Variants in SLC7A11 observed in about 807,000 individuals in gnomAD.
SLC7A11 encodes the protein cystine/glutamate transporter.
SLC7A11 carries 35 observed loss-of-function variants against 54.5 expected under a neutral mutation model. The ratio of observed to expected loss-of-function variants is 0.64; its 90% confidence interval spans 0.49 to 0.85. SLC7A11 has a LOEUF of 0.85. Among genes scored for constraint, SLC7A11 ranks in the 40% least tolerant of loss-of-function variants. SLC7A11 has a pLI of 0.00. For missense variants in SLC7A11, 583 were observed against 618.1 expected, an observed-to-expected ratio of 0.94 and a Z score of 0.60; for synonymous variants, 230 against 225.2, an observed-to-expected ratio of 1.02 and a Z score of -0.19.
chr4:138,214,594 T>C lies in SLC7A11; in HGVS notation c.782A>G (p.Asn261Ser). ...ACATCTGGCTACTTACTTTTCAGGG[T>C]TTTCTACTTCTTCAGTAACAAAGTT... Reference protein sequence around the residue: ...YLNFVTEEVENPEKTIPLAIC... With the variant: ...YLNFVTEEVESPEKTIPLAIC... Residue 261 changes from asparagine to serine, a missense_variant, in exon 6 of 12, where the codon AAC becomes AGC. Transcript: ENST00000280612. The C allele has an allele frequency of 6.9e-7, 1 of 1,448,998 alleles. No homozygotes were observed. The allele number at this position is 1,448,998 out of a possible 1,614,324, so 89.8% of individuals were successfully genotyped here.
intron 6 of SLC7A11, among the ~76,000 whole-genome samples, chr4:138,211,557 C>T (rs1157939768): frequency 2.0e-5 from 3 of 151,608 alleles, no homozygotes; most frequent in Non-Finnish European, 2.9e-5. Context: ...GAAAGGAAAT[C>T]GGTATACTGA....
intron 6 of SLC7A11, among the ~76,000 whole-genome samples, chr4:138,187,359 C>T (rs1038333514): frequency 6.6e-6 from 1 of 152,142 alleles, no homozygotes; most frequent in Non-Finnish European, 1.5e-5. Context: ...TTATTAGGCA[C>T]TTTACATACG....
intron 9 of SLC7A11, among the ~76,000 whole-genome samples, chr4:138,181,411 C>T (rs1352456605): frequency 6.6e-6 from 1 of 152,040 alleles, no homozygotes; most frequent in Non-Finnish European, 1.5e-5. Flanking sequence ...GTCTCTGCAG[C>T]TGCACATGCC....
chr4:138,209,351 A>G (rs1737486017), intron 6 of SLC7A11, among the ~76,000 whole-genome samples: 1 of 152,008 alleles, frequency 6.6e-6, no homozygotes, highest in Non-Finnish European at 1.5e-5. Flanking sequence ...ATCTTGGCAC[A>G]TCACAAAGAA....
intron 3 of SLC7A11, among the ~76,000 whole-genome samples, chr4:138,229,661 A>G (rs1265573816): frequency 1.3e-5 from 2 of 152,206 alleles, no homozygotes; most frequent in African/African-American, 2.4e-5. Context: ...GTTTAGTTTG[A>G]GCAGTTTTCA....
rs1736409456 is a variant in SLC7A11, at chr4:138,170,901, T to A, written c.*1055A>T. The A allele has an allele frequency of 6.6e-6, 1 of 152,174 alleles. No homozygotes were observed. Among genetic ancestry groups the A allele is most frequent in the Non-Finnish European group, 1.5e-5 (1 of 68,016 alleles). 9.4% of individuals were successfully genotyped at this position (152,174 alleles called of 1,614,324 possible). On this transcript the variant is annotated 3_prime_UTR_variant, in exon 12 of 12. Coordinates refer to ENST00000280612, the MANE Select transcript of SLC7A11 (RefSeq NM_014331.4). The stretch of plus-strand genomic sequence containing the variant: ...CTGAAGAGATATTTTAACAGAAGAA[T>A]ATAAAATGTATAAAGAAAATGCACA...
At chr4:138,217,869 C>T (rs144732658) in intron 5 of SLC7A11, among the ~76,000 whole-genome samples, 53 of 152,312 alleles carry the variant, frequency 3.5e-4, no homozygotes, top group African/African-American at 1.3e-3. Context: ...TGTGATCACG[C>T]TCAGTTCTTT....
intron 8 of SLC7A11, among the ~76,000 whole-genome samples, 164 bp from the exon 9 acceptor site, chr4:138,182,557 A>G (rs558777474): frequency 2.6e-4 from 39 of 152,284 alleles, no homozygotes; most frequent in Middle Eastern, 3.4e-3. Flanking sequence ...GAAATATCAT[A>G]GGAAATCTAA....
In SLC7A11 at chr4:138,241,745, T is replaced by C. The variant is rs1578680376; in HGVS notation, c.277+48A>G. 2.8e-6 allele frequency: 4 copies of C among 1,438,712 alleles called. No individual in the cohort carries two copies. In the East Asian group the frequency reaches 9.2e-5, roughly 33 times the overall value. The allele number at this position is 1,438,712 out of a possible 1,614,324, so 89.1% of individuals were successfully genotyped here. A position where few individuals can be genotyped will look rare whatever the true frequency, so the allele number is the denominator to read the frequency against. ...CCATTTGCTTTCCCAGAAAGCAAGCTTTCCAGCCCCACAGCCACGCCCCCA... is the reference window on the plus strand; with the variant it reads ...CCATTTGCTTTCCCAGAAAGCAAGCCTTCCAGCCCCACAGCCACGCCCCCA... On this transcript the variant is annotated intron_variant, in intron 1 of 11. Transcript: ENST00000280612.
intron 6 of SLC7A11, among the ~76,000 whole-genome samples, chr4:138,191,495 A>C (rs940772630): frequency 6.6e-6 from 1 of 152,158 alleles, no homozygotes; most frequent in Non-Finnish European, 1.5e-5. Context: ...AAATGTGCAG[A>C]GATGCATAAA....
chr4:138,219,090 T>G (rs1322040062), intron 5 of SLC7A11, among the ~76,000 whole-genome samples, 176 bp downstream of exon 5: 1 of 152,206 alleles, frequency 6.6e-6, no homozygotes, highest in Non-Finnish European at 1.5e-5. Flanking sequence ...AGTTGTCATG[T>G]GCAAAGTAAT....
intron 9 of SLC7A11, 67 bp downstream of exon 9, chr4:138,182,230 T>G: frequency 1.0e-6 from 1 of 985,978 alleles, no homozygotes; most frequent in Non-Finnish European, 1.6e-6. Flanking sequence ...TAATGTCTGG[T>G]TGGAATTCCT....
chr4:138,171,822 T>A lies in SLC7A11; in HGVS notation c.*134A>T. On this transcript the variant is annotated 3_prime_UTR_variant, in exon 12 of 12. Coordinates refer to ENST00000280612, the MANE Select transcript of SLC7A11 (RefSeq NM_014331.4). Reference sequence around the variant, plus strand: ...AGAAATTAGTTCGAATATGCTAAAATATATGAATAAAAATAACTGACTCCT... The same window carrying A: ...AGAAATTAGTTCGAATATGCTAAAAAATATGAATAAAAATAACTGACTCCT... 1 of 1,153,194 alleles carries A rather than the reference T, an allele frequency of 8.7e-7. No individual in the cohort carries two copies. Among genetic ancestry groups the A allele is most frequent in the Non-Finnish European group, 1.2e-6 (1 of 838,872 alleles). The allele number at this position is 1,153,194 out of a possible 1,614,324, so 71.4% of individuals were successfully genotyped here.
chr4:138,175,569 C>G (rs1481860714), intron 11 of SLC7A11: 2 of 152,098 alleles, frequency 1.3e-5, no homozygotes, highest in African/African-American at 4.8e-5. Flanking sequence ...ACTAACCCAC[C>G]AGAAGAATAA....
chr4:138,237,731 ATATATATTTTTTTTTTTTTTTT>A (rs1355451576), intron 1 of SLC7A11, among the ~76,000 whole-genome samples: 1 of 10,652 alleles, frequency 9.4e-5, no homozygotes, highest in Non-Finnish European at 1.6e-4. Flanking sequence ...ATATATATAT[ATATATATTTTTTTTTTTTTTTT>A]TTTTTTTTTT....
intron 5 of SLC7A11, among the ~76,000 whole-genome samples, chr4:138,217,758 G>A (rs999319989): frequency 6.6e-6 from 1 of 152,150 alleles, no homozygotes; most frequent in African/African-American, 2.4e-5. Context: ...CTTTGCTCTG[G>A]TGTCTCCCAG....
At position 138,167,967 on chromosome 4, in the gene SLC7A11, T is replaced by A. The variant is rs1736310640; in HGVS notation, c.*3989A>T. The A allele has an allele frequency of 6.6e-6, 1 of 152,194 alleles. No individual in the cohort carries two copies. The highest frequency in any genetic ancestry group is 6.5e-5 in the Admixed American group (1 of 15,272). 9.4% of individuals were successfully genotyped at this position (152,194 alleles called of 1,614,324 possible). ...GAAAGTGAAACTATCTCCCTATATA[T>A]CACATCATATATATTGTGAGAAAGT... On this transcript the variant is annotated 3_prime_UTR_variant, in exon 12 of 12. Transcript: ENST00000280612.
At chr4:138,198,774 T>G (rs1378440031) in intron 6 of SLC7A11, among the ~76,000 whole-genome samples, 1 of 152,150 alleles carries the variant, frequency 6.6e-6, no homozygotes, top group Non-Finnish European at 1.5e-5. Context: ...ACCTAATACA[T>G]TAAGAAACAT....
chr4:138,181,682 C>G (rs1039770891), intron 9 of SLC7A11, among the ~76,000 whole-genome samples: 4 of 152,062 alleles, frequency 2.6e-5, no homozygotes, highest in African/African-American at 9.7e-5. Flanking sequence ...TATAACATTG[C>G]CAATGGGTAT....
Sources: allele counts gnomAD v4.1 joint callset (sites outside exome capture counted in the v4.1 genomes callset), GRCh38; gene constraint gnomAD v4.1.1; transcripts MANE v1.5; gene names NCBI Gene and HGNC (gene_info 2026-07-23, HGNC 2026-07-21).